Variants in EDNRA observed in about 807,000 individuals in gnomAD.
The protein encoded by EDNRA is endothelin-1 receptor.
EDNRA carries 11 observed loss-of-function variants against 41.4 expected under a neutral mutation model. The ratio of observed to expected loss-of-function variants is 0.27; its 90% confidence interval spans 0.17 to 0.44. The LOEUF (loss-of-function observed/expected upper bound fraction) is 0.44. Among genes scored for constraint, EDNRA ranks in the 20% least tolerant of loss-of-function variants. EDNRA has a pLI of 1.00. For missense variants in EDNRA, 294 were observed against 531.0 expected (o/e 0.55, Z 4.39); for synonymous variants, 172 against 183.0 (o/e 0.94, Z 0.49).
intron 2 of EDNRA, among the ~76,000 whole-genome samples, chr4:147,498,338 C>G (rs180826635): frequency 7.0e-4 from 107 of 152,284 alleles, no homozygotes; most frequent in African/African-American, 2.4e-3. Context: ...TCTCCAGCTC[C>G]TGTACCATCA....
At chr4:147,528,064 C>T (rs1363191098) in intron 3 of EDNRA, among the ~76,000 whole-genome samples, 1 of 152,168 alleles carries the variant, frequency 6.6e-6, no homozygotes, top group Non-Finnish European at 1.5e-5. Context: ...GTGCTATTAG[C>T]TTTAGCCAAT....
In EDNRA at chr4:147,515,447, G is replaced by A. The variant is rs558589906; in HGVS notation, c.421-4404G>A. Among the ~76,000 whole-genome samples the A allele has an allele frequency of 5.8e-4, 88 of 152,254 alleles. 2 individuals are homozygous for A. The highest frequency in any genetic ancestry group is 9.3e-4 in the Non-Finnish European group (63 of 68,010). ...GTGATGGCCAAGGCACTGGGATATG[G>A]AAGAGCTCCCAAAATCATTCTAATA... On this transcript the variant is annotated intron_variant, in intron 2 of 7. Transcript: ENST00000651419.
chr4:147,515,278 A>G (rs1235598885), intron 2 of EDNRA, among the ~76,000 whole-genome samples: 1 of 152,152 alleles, frequency 6.6e-6, no homozygotes, highest in African/African-American at 2.4e-5. Context: ...CAGCATCCCA[A>G]GCCTCTACCC....
chr4:147,539,159 A>T (rs968965451), intron 5 of EDNRA, among the ~76,000 whole-genome samples: 2 of 151,920 alleles, frequency 1.3e-5, no homozygotes, highest in Admixed American at 6.6e-5. Flanking sequence ...CAAACAACAT[A>T]TAATATTTTT....
intron 2 of EDNRA, among the ~76,000 whole-genome samples, chr4:147,518,140 A>G (rs903835684): frequency 4.6e-5 from 7 of 152,252 alleles, no homozygotes; most frequent in African/African-American, 1.7e-4. Context: ...TTGAAGAATT[A>G]TAATTCTGAG....
At position 147,489,333 on chromosome 4, in the gene EDNRA, A is replaced by T. The variant is rs991556400; in HGVS notation, c.420+3232A>T. 5.9e-5 allele frequency: 9 copies of T among 152,132 alleles called. 1 individual carries two copies. Among genetic ancestry groups the T allele is most frequent in the Non-Finnish European group, 1.3e-4 (9 of 68,034 alleles). 9.4% of individuals were successfully genotyped at this position (152,132 alleles called of 1,614,324 possible). A position where few individuals can be genotyped will look rare whatever the true frequency, so the allele number is the denominator to read the frequency against. Reference sequence around the variant, plus strand: ...TTAGTTGCTTTTATGCTCAGTTCTAAGGTGTCTCCAGACAGACAACATTGC... The same window carrying T: ...TTAGTTGCTTTTATGCTCAGTTCTATGGTGTCTCCAGACAGACAACATTGC... On this transcript the variant is annotated intron_variant, in intron 2 of 7. Transcript: ENST00000651419.
At chr4:147,523,472 TTG>T (rs781062650) in intron 3 of EDNRA, among the ~76,000 whole-genome samples, 23,694 of 142,630 alleles carry the variant, frequency 0.17, 3,017 homozygotes, top group African/African-American at 0.35. Flanking sequence ...TTTTTTTTTG[TTG>T]TTGTTGTTTT....
chr4:147,531,213 T>C (rs1321371536), intron 3 of EDNRA, among the ~76,000 whole-genome samples: 1 of 152,256 alleles, frequency 6.6e-6, no homozygotes, highest in Non-Finnish European at 1.5e-5. Flanking sequence ...ATTTATGTTA[T>C]ATACTCTGTT....
At chr4:147,506,420 A>G (rs921924716) in intron 2 of EDNRA, 1 of 400,104 alleles carries the variant, frequency 2.5e-6, no homozygotes, top group Non-Finnish European at 4.9e-6. Flanking sequence ...GATTGCAAAT[A>G]GAGGAATCTT....
chr4:147,542,824 T>C lies in EDNRA; in HGVS notation c.*206T>C, dbSNP rs1332082043. The C allele has an allele frequency of 1.7e-6, 1 of 575,372 alleles. No homozygotes were observed. The highest frequency in any genetic ancestry group is 1.9e-5 in the African/African-American group (1 of 53,296). 35.6% of individuals were successfully genotyped at this position (575,372 alleles called of 1,614,324 possible). ...AATCGTACTTCTTTAATTGATCTAA[T>C]TTACATATTCTGCGTGTTGTATTCA... is the stretch of plus-strand genomic sequence containing the variant. On this transcript the variant is annotated 3_prime_UTR_variant, in exon 8 of 8. Coordinates refer to ENST00000651419, the MANE Select transcript of EDNRA (RefSeq NM_001957.4).
intron 2 of EDNRA, among the ~76,000 whole-genome samples, chr4:147,509,983 G>A (rs1191162072): frequency 6.6e-6 from 1 of 152,048 alleles, no homozygotes; most frequent in Non-Finnish European, 1.5e-5. Flanking sequence ...ACGAGTCCCT[G>A]GTACCAAAAA....
At chr4:147,525,750 G>T (rs546671667) in intron 3 of EDNRA, among the ~76,000 whole-genome samples, 6 of 152,254 alleles carry the variant, frequency 3.9e-5, no homozygotes, top group Admixed American at 2.0e-4. Context: ...GGGGAAGAAG[G>T]CTATAAAAAG....
At position 147,541,484 on chromosome 4, in the gene EDNRA, T is replaced by A. The variant is rs544190652; in HGVS notation, c.1144-994T>A. Among the ~76,000 whole-genome samples the A allele has an allele frequency of 7.9e-5, 12 of 152,352 alleles. No individual in the cohort carries two copies. The South Asian group carries it at 2.5e-3, about 32-fold the overall frequency. ...CTTGCTAACTATCTACCCCAGGTAG[T>A]GCCTCTCTTGCTTTTTCAGTTTCCT... On this transcript the variant is annotated intron_variant, in intron 7 of 7. Transcript: ENST00000651419.
intron 2 of EDNRA, chr4:147,506,302 G>T: frequency 2.2e-6 from 1 of 456,384 alleles, no homozygotes; most frequent in South Asian, 1.7e-5. Context: ...GGCCATATAT[G>T]AACAATATTT....
chr4:147,509,290 C>G (rs1163886994), intron 2 of EDNRA, among the ~76,000 whole-genome samples: 1 of 152,162 alleles, frequency 6.6e-6, no homozygotes, highest in Non-Finnish European at 1.5e-5. Flanking sequence ...AGTTTGGTGC[C>G]ACGGTCGTGA....
At chr4:147,492,976 G>A (rs1358243274) in intron 2 of EDNRA, 2 of 152,050 alleles carry the variant, frequency 1.3e-5, no homozygotes, top group African/African-American at 2.4e-5. Flanking sequence ...GCTAACCCTC[G>A]GCATTTGGCT....
intron 2 of EDNRA, among the ~76,000 whole-genome samples, chr4:147,496,724 T>C (rs1250379767): frequency 6.6e-6 from 1 of 152,216 alleles, no homozygotes; most frequent in African/African-American, 2.4e-5. Flanking sequence ...TTACTCAACA[T>C]TATGTTTGTG....
At chr4:147,522,231 A>C (rs1730349965) in intron 3 of EDNRA, among the ~76,000 whole-genome samples, 1 of 152,112 alleles carries the variant, frequency 6.6e-6, no homozygotes. Flanking sequence ...GGCCCTATTG[A>C]AAATACTTTA....
At chr4:147,516,430 T>C (rs1297830891) in intron 2 of EDNRA, among the ~76,000 whole-genome samples, 1 of 152,154 alleles carries the variant, frequency 6.6e-6, no homozygotes, top group Non-Finnish European at 1.5e-5. Flanking sequence ...AAATAGAAAA[T>C]AAATTTCAAA....
Sources: gnomAD v4.1 joint callset for allele counts (sites outside exome capture counted in the v4.1 genomes callset) on GRCh38, gnomAD v4.1.1 for gene constraint, MANE v1.5 for transcripts, NCBI Gene and HGNC (gene_info 2026-07-23, HGNC 2026-07-21) for gene names.